The following ATP9B variants were observed in gnomAD, a reference collection of about 807,000 sequenced individuals.
ATP9B encodes the protein ATPase phospholipid transporting 9B.
ATP9B carries 110 observed loss-of-function variants against 146.1 expected under a neutral mutation model. The observed-to-expected ratio is 0.75, with a 90% CI of 0.65 to 0.88. The LOEUF is 0.88. ATP9B is among the 40% of genes least tolerant of loss of function. ATP9B has a pLI of 0.00. For synonymous variants in ATP9B, 604 were observed against 569.7 expected (o/e 1.06, Z -0.86); for missense variants, 1,499 against 1,496.4 (o/e 1.00, Z -0.03).
At chr18:79,093,471 T>C (rs1439682783) in intron 1 of ATP9B, among the ~76,000 whole-genome samples, 1 of 152,220 alleles carries the variant, frequency 6.6e-6, no homozygotes, top group Non-Finnish European at 1.5e-5. Flanking sequence ...CTTTCAAGAT[T>C]TTTTCCTTCA....
intron 17 of ATP9B, among the ~76,000 whole-genome samples, chr18:79,332,509 CCTT>C (rs1402544897): frequency 1.3e-5 from 2 of 152,130 alleles, no homozygotes; most frequent in Non-Finnish European, 2.9e-5. Context: ...ATCGTGAAGA[CCTT>C]CTGACTTTCT....
intron 9 of ATP9B, among the ~76,000 whole-genome samples, chr18:79,202,993 A>T (rs1035750030): frequency 6.6e-6 from 1 of 152,242 alleles, no homozygotes; most frequent in Non-Finnish European, 1.5e-5. Context: ...TAAAAGATTG[A>T]CATGCATCAA....
At chr18:79,336,150 C>T (rs1318559434) in intron 17 of ATP9B, among the ~76,000 whole-genome samples, 9 of 150,516 alleles carry the variant, frequency 6.0e-5, no homozygotes, top group East Asian at 4.0e-4. Context: ...TCCCCAGCAC[C>T]GCCGTGTGCA....
intron 15 of ATP9B, among the ~76,000 whole-genome samples, chr18:79,325,342 G>A (rs2096738470): frequency 6.6e-6 from 1 of 152,100 alleles, no homozygotes. Context: ...GCAAATGTAG[G>A]ATAGTAGTTA....
At chr18:79,265,844 T>G (rs946189547) in intron 12 of ATP9B, among the ~76,000 whole-genome samples, 55 of 152,240 alleles carry the variant, frequency 3.6e-4, no homozygotes, top group African/African-American at 1.3e-3. Context: ...TTGCCTAGGT[T>G]GTCTTCCAGG....
At chr18:79,296,857 A>C (rs2096552300) in intron 13 of ATP9B, among the ~76,000 whole-genome samples, 1 of 152,240 alleles carries the variant, frequency 6.6e-6, no homozygotes, top group South Asian at 2.1e-4. Context: ...CACGCTCAGC[A>C]GCTAAAGACC....
At chr18:79,371,489 C>CT (rs1245908365) in intron 26 of ATP9B, among the ~76,000 whole-genome samples, 2 of 151,856 alleles carry the variant, frequency 1.3e-5, no homozygotes, top group Non-Finnish European at 2.9e-5. Context: ...TCTTCACACA[C>CT]TGACTCTTGC....
chr18:79,292,020 G>A (rs951807451), intron 13 of ATP9B, among the ~76,000 whole-genome samples: 1 of 152,156 alleles, frequency 6.6e-6, no homozygotes, highest in Non-Finnish European at 1.5e-5. Flanking sequence ...TCCTTCACTG[G>A]CATATACTCT....
chr18:79,245,875 G>A (rs1229287770), intron 11 of ATP9B, among the ~76,000 whole-genome samples: 2 of 132,900 alleles, frequency 1.5e-5, no homozygotes, highest in Non-Finnish European at 3.3e-5. Flanking sequence ...CTGTCTGTGC[G>A]GAGGGCACCG....
intron 12 of ATP9B, among the ~76,000 whole-genome samples, chr18:79,258,434 G>A (rs1358840252): frequency 6.6e-6 from 1 of 152,060 alleles, no homozygotes; most frequent in Non-Finnish European, 1.5e-5. Context: ...TCTCTCGAAA[G>A]AAAAAATAAT....
chr18:79,199,957 G>T (rs2095452268), intron 9 of ATP9B, among the ~76,000 whole-genome samples: 1 of 152,124 alleles, frequency 6.6e-6, no homozygotes, highest in African/African-American at 2.4e-5. Context: ...CCTGCCGGAG[G>T]CTGTTTTACA....
intron 9 of ATP9B, among the ~76,000 whole-genome samples, chr18:79,195,188 A>G (rs1034601734): frequency 6.6e-6 from 1 of 152,224 alleles, no homozygotes; most frequent in Non-Finnish European, 1.5e-5. Flanking sequence ...TAAGAAACAA[A>G]TTCCACCTCC....
intron 26 of ATP9B, among the ~76,000 whole-genome samples, chr18:79,368,980 C>T (rs2097052404): frequency 6.6e-6 from 1 of 152,064 alleles, no homozygotes; most frequent in African/African-American, 2.4e-5. Context: ...CCGTGAGCAC[C>T]GTCCTTCCCT....
intron 8 of ATP9B, among the ~76,000 whole-genome samples, chr18:79,190,668 C>G (rs898278500): frequency 6.6e-6 from 1 of 152,040 alleles, no homozygotes; most frequent in Non-Finnish European, 1.5e-5. Context: ...GCTTTAGGCT[C>G]GTGAATAGCT....
At chr18:79,365,580 T>A (rs2097021747) in intron 26 of ATP9B, among the ~76,000 whole-genome samples, 1 of 152,274 alleles carries the variant, frequency 6.6e-6, no homozygotes, top group Non-Finnish European at 1.5e-5. Context: ...CTGTCATAAC[T>A]GCCAGAAGCT....
At chr18:79,126,727 AAC>A (rs2094293257) in intron 5 of ATP9B, among the ~76,000 whole-genome samples, 1 of 152,196 alleles carries the variant, frequency 6.6e-6, no homozygotes, top group African/African-American at 2.4e-5. Flanking sequence ...TGGTATTTTA[AAC>A]ACACTCATAA....
At chr18:79,202,126 A>G (rs568448058) in intron 9 of ATP9B, among the ~76,000 whole-genome samples, 3 of 152,226 alleles carry the variant, frequency 2.0e-5, no homozygotes, top group Admixed American at 6.5e-5. Context: ...CCCAGTATGC[A>G]TGCTGATGCC....
chr18:79,217,101 C>G (rs1600563883), intron 11 of ATP9B, among the ~76,000 whole-genome samples: 1 of 152,372 alleles, frequency 6.6e-6, no homozygotes, highest in East Asian at 1.9e-4. Context: ...GGAGCCGTGA[C>G]ACGTCTCAAG....
At chr18:79,188,204 G>A (rs1007270792) in intron 8 of ATP9B, among the ~76,000 whole-genome samples, 3 of 151,934 alleles carry the variant, frequency 2.0e-5, no homozygotes, top group Admixed American at 1.3e-4. Flanking sequence ...AATATGAGAG[G>A]ATGTTACTAA....
Sources: allele counts gnomAD v4.1 joint callset (sites outside exome capture counted in the v4.1 genomes callset), GRCh38; gene constraint gnomAD v4.1.1; transcripts MANE v1.5; gene names NCBI Gene and HGNC (gene_info 2026-07-23, HGNC 2026-07-21).